CNTN6: variants seen among roughly 807,000 people sequenced by gnomAD.
The protein encoded by CNTN6 is contactin-6.
A neutral mutation model predicts 122.8 loss-of-function variants in CNTN6; 137 were observed. The ratio of observed to expected loss-of-function variants is 1.12; its 90% CI spans 0.97 to 1.29. The LOEUF (loss-of-function observed/expected upper bound fraction) is 1.29. Among genes scored for constraint, CNTN6 ranks in the 50% most tolerant of loss-of-function variants. The pLI, the probability that CNTN6 is intolerant of heterozygous loss-of-function variation, is 0.00. For missense variants in CNTN6, 1,634 were observed against 1,223.4 expected (o/e 1.34, Z -5.01); for synonymous variants, 570 against 426.0 (o/e 1.34, Z -4.16).
Position 1,336,279 on chromosome 3 carries a change from T to C in CNTN6, c.1364+6344T>C, listed in dbSNP as rs116765326. ...ATGCTAGATGGTGTACCAGGCACTT[T>C]ACATATCTCAAAACATTAAAGCACA... On this transcript the variant is annotated intron_variant, in intron 11 of 22. Coordinates refer to ENST00000446702, the MANE Select transcript of CNTN6 (RefSeq NM_001289080.2). Among the ~76,000 whole-genome samples, 368 of 150,696 alleles carry C rather than the reference T, an allele frequency of 2.4e-3. 1 individual carries two copies. The highest frequency in any genetic ancestry group is 8.4e-3 in the African/African-American group (346 of 41,372).
At chr3:1,224,473 A>G (rs2094252241) in intron 3 of CNTN6, among the ~76,000 whole-genome samples, 1 of 152,166 alleles carries the variant, frequency 6.6e-6, no homozygotes, top group East Asian at 1.9e-4. Context: ...GAATATGCTC[A>G]TTACTCTGAT....
chr3:1,346,064 C>T (rs566460644), intron 11 of CNTN6, among the ~76,000 whole-genome samples: 14 of 151,320 alleles, frequency 9.3e-5, no homozygotes, highest in African/African-American at 3.1e-4. Flanking sequence ...ATGGTTGATA[C>T]CAAACAAAAA....
intron 20 of CNTN6, among the ~76,000 whole-genome samples, chr3:1,396,458 G>T (rs535740444): frequency 6.6e-6 from 1 of 152,166 alleles, no homozygotes; most frequent in African/African-American, 2.4e-5. Context: ...TCCCTGCTCA[G>T]CCATGTACTA....
chr3:1,187,338 C>T (rs569336133), intron 2 of CNTN6, among the ~76,000 whole-genome samples: 1 of 152,078 alleles, frequency 6.6e-6, no homozygotes, highest in Admixed American at 6.5e-5. Context: ...CTATGGAAGC[C>T]AATGAGGATG....
At chr3:1,354,802 CTT>C (rs959118777) in intron 12 of CNTN6, among the ~76,000 whole-genome samples, 5 of 151,354 alleles carry the variant, frequency 3.3e-5, no homozygotes, top group African/African-American at 1.2e-4. Context: ...TCTTAGGACA[CTT>C]TGCAAAAAAA....
Position 1,243,374 on chromosome 3 carries a change from G to A in CNTN6, c.358+15381G>A, listed in dbSNP as rs372980736. On this transcript the variant is annotated intron_variant, in intron 4 of 22. Coordinates refer to ENST00000446702, the MANE Select transcript of CNTN6 (RefSeq NM_001289080.2). ...AGATGTGGCTGGGGTTTGTGTCACA[G>A]TGGAGGCAAGGAATTGCAACTTTTT... is the stretch of plus-strand genomic sequence containing the variant. Among the ~76,000 whole-genome samples, 10 of 152,334 alleles carry A rather than the reference G, an allele frequency of 6.6e-5. No homozygotes were observed. In the South Asian group the frequency reaches 1.7e-3, roughly 25 times the overall value.
chr3:1,093,590 A>G (rs2090356265), intron 1 of CNTN6, among the ~76,000 whole-genome samples: 1 of 152,142 alleles, frequency 6.6e-6, no homozygotes. Context: ...GGATGATTTA[A>G]AAGAATGGTT....
intron 20 of CNTN6, among the ~76,000 whole-genome samples, chr3:1,395,372 C>G (rs1303202204): frequency 6.6e-6 from 1 of 152,146 alleles, no homozygotes; most frequent in African/African-American, 2.4e-5. Flanking sequence ...AAGGGCTGCA[C>G]TAGCTTTGGA....
intron 11 of CNTN6, among the ~76,000 whole-genome samples, chr3:1,348,073 A>G (rs1328246311): frequency 6.7e-6 from 1 of 149,098 alleles, no homozygotes; most frequent in African/African-American, 2.5e-5. Flanking sequence ...AGTCCGGTAC[A>G]GTGCTAAGCA....
chr3:1,259,976 TTAGAG>T (rs2094818525), intron 4 of CNTN6, among the ~76,000 whole-genome samples: 1 of 152,104 alleles, frequency 6.6e-6, no homozygotes, highest in African/African-American at 2.4e-5. Context: ...GGATCAAAAT[TTAGAG>T]TAGATTTTCA....
chr3:1,282,269 A>G (rs1344125708), intron 5 of CNTN6, among the ~76,000 whole-genome samples: 1 of 134,960 alleles, frequency 7.4e-6, no homozygotes, highest in African/African-American at 2.5e-5. Context: ...GATGCTTTCC[A>G]CCCAGTTTTG....
At position 1,321,717 on chromosome 3, in the gene CNTN6, A is replaced by G; in HGVS notation, c.829A>G (p.Lys277Glu). The change falls in exon 8 of 23, where the codon AAA becomes GAA. Residue 277 changes from lysine to glutamate, a missense_variant. Lys to Glu is a moderately conservative substitution (Grantham distance 56). Transcript: ENST00000446702. ...GTTGCCAGGGAAAGTCAAGTACAGCAAATCCCAAGCTATCCTTGAAATCCC... is the reference window on the plus strand; with the variant it reads ...GTTGCCAGGGAAAGTCAAGTACAGCGAATCCCAAGCTATCCTTGAAATCCC... ...SPLPGKVKYS[K>E]SQAILEIPNF... is the part of the protein sequence containing the mutation. 6.2e-7 allele frequency: 1 copy of G among 1,611,912 alleles called. No homozygotes were observed. The highest frequency in any genetic ancestry group is 1.1e-5 in the South Asian group (1 of 91,014).
At chr3:1,376,489 G>A (rs980520483) in intron 16 of CNTN6, among the ~76,000 whole-genome samples, 2 of 151,976 alleles carry the variant, frequency 1.3e-5, no homozygotes, top group African/African-American at 2.4e-5. Context: ...CTTCTCTCCC[G>A]AGAGATTTGA....
At chr3:1,121,506 T>C (rs2125061935) in intron 1 of CNTN6, among the ~76,000 whole-genome samples, 1 of 151,980 alleles carries the variant, frequency 6.6e-6, no homozygotes, top group East Asian at 1.9e-4. Context: ...ATAACAGAAC[T>C]TTAAGTAAGA....
chr3:1,172,624 G>C (rs2872546), intron 2 of CNTN6, among the ~76,000 whole-genome samples: 2,774 of 31,802 alleles, frequency 0.087, 65 homozygotes, highest in African/African-American at 0.27. Flanking sequence ...AACTCTCTGT[G>C]TGTGTGTGTG....
intron 9 of CNTN6, 91 bp downstream of exon 9, chr3:1,326,042 G>T: frequency 9.1e-7 from 1 of 1,093,912 alleles, no homozygotes. Flanking sequence ...AACAGCTAAT[G>T]TTAATGGAGT....
intron 4 of CNTN6, among the ~76,000 whole-genome samples, chr3:1,277,743 C>T (rs900178007): frequency 2.0e-5 from 3 of 152,200 alleles, no homozygotes; most frequent in Non-Finnish European, 4.4e-5. Flanking sequence ...AGAAGTTAAA[C>T]AATTTAGGAG....
At chr3:1,263,050 T>C (rs935037742) in intron 4 of CNTN6, among the ~76,000 whole-genome samples, 1 of 152,138 alleles carries the variant, frequency 6.6e-6, no homozygotes, top group Non-Finnish European at 1.5e-5. Flanking sequence ...AAGTTACTTA[T>C]TTCATTTAAG....
intron 4 of CNTN6, among the ~76,000 whole-genome samples, chr3:1,259,630 A>G (rs1184375745): frequency 1.3e-5 from 2 of 152,130 alleles, no homozygotes; most frequent in Admixed American, 1.3e-4. Context: ...CAGGGATGTG[A>G]ACTTACATGA....
Sources: gnomAD v4.1 joint callset for allele counts (sites outside exome capture counted in the v4.1 genomes callset) on GRCh38, gnomAD v4.1.1 for gene constraint, MANE v1.5 for transcripts, NCBI Gene and HGNC (gene_info 2026-07-23, HGNC 2026-07-21) for gene names.